RBFOX1: variants seen among roughly 807,000 people sequenced by gnomAD.
RBFOX1 encodes RNA binding fox-1 homolog 1.
Under a neutral mutation model 57.7 loss-of-function variants are expected in RBFOX1, and 8 were observed. The observed-to-expected ratio is 0.14, with a 90% CI of 0.08 to 0.25. The LOEUF (loss-of-function observed/expected upper bound fraction) is 0.25, where lower values mean the gene tolerates loss of function less well. Among genes scored for constraint, RBFOX1 ranks in the 10% least tolerant of loss-of-function variants. RBFOX1 has a pLI of 1.00. For synonymous variants in RBFOX1, 326 were observed against 222.4 expected (o/e 1.47, Z -4.15); for missense variants, 611 against 548.5 (o/e 1.11, Z -1.14).
chr16:7,685,355 C>T (rs905589357), intron 14 of RBFOX1, among the ~76,000 whole-genome samples: 5 of 152,128 alleles, frequency 3.3e-5, no homozygotes, highest in Non-Finnish European at 7.4e-5. Context: ...GACTTCTTCC[C>T]TCTCCTGGCC....
intron 1 of RBFOX1, among the ~76,000 whole-genome samples, chr16:5,277,059 A>G (rs186292442): frequency 7.4e-4 from 113 of 152,326 alleles, no homozygotes; most frequent in African/African-American, 2.5e-3. Context: ...CCATCAGTCA[A>G]TTAGTGGATA....
intron 4 of RBFOX1, among the ~76,000 whole-genome samples, chr16:7,165,963 C>CACACACACACAA (rs1251061172): frequency 1.3e-5 from 1 of 76,042 alleles, no homozygotes; most frequent in African/African-American, 3.5e-5. Context: ...CACACACACA[C>CACACACACACAA]ACATACATAC....
intron 3 of RBFOX1, among the ~76,000 whole-genome samples, chr16:5,703,833 G>T (rs2051140821): frequency 6.6e-6 from 1 of 152,100 alleles, no homozygotes; most frequent in African/African-American, 2.4e-5. Context: ...ATGATGTAGG[G>T]ATATTATTAT....
intron 14 of RBFOX1, among the ~76,000 whole-genome samples, chr16:7,702,643 C>T (rs1234851315): frequency 1.3e-5 from 2 of 152,182 alleles, no homozygotes; most frequent in Non-Finnish European, 2.9e-5. Context: ...TGGTCTTGTT[C>T]TTTCTTTTCC....
chr16:6,558,312 G>A (rs1180701226), intron 2 of RBFOX1, among the ~76,000 whole-genome samples: 1 of 152,172 alleles, frequency 6.6e-6, no homozygotes, highest in East Asian at 1.9e-4. Flanking sequence ...AGGCCTTACA[G>A]AGCATGTTGC....
intron 4 of RBFOX1, among the ~76,000 whole-genome samples, chr16:7,294,550 G>C (rs991068508): frequency 6.6e-6 from 1 of 151,482 alleles, no homozygotes; most frequent in East Asian, 1.9e-4. Context: ...GACTGAAGCA[G>C]AATATTTTCT....
chr16:6,755,191 A>C (rs9924871), intron 3 of RBFOX1, among the ~76,000 whole-genome samples: 3 of 152,330 alleles, frequency 2.0e-5, no homozygotes, highest in Admixed American at 6.5e-5. Flanking sequence ...TTATAGCAGC[A>C]TGATTTATAG....
chr16:6,442,810 C>T (rs2094412127), intron 2 of RBFOX1, among the ~76,000 whole-genome samples: 2 of 152,294 alleles, frequency 1.3e-5, no homozygotes, highest in East Asian at 1.9e-4. Flanking sequence ...TGGGGAATTG[C>T]AAGGGAGTAG....
At chr16:7,237,574 C>A (rs113426120) in intron 4 of RBFOX1, among the ~76,000 whole-genome samples, 122 of 152,322 alleles carry the variant, frequency 8.0e-4, no homozygotes, top group Non-Finnish European at 1.5e-3. Flanking sequence ...CAACTGGCTT[C>A]CTATGTCAAC....
chr16:5,830,812 C>G lies in RBFOX1; in HGVS notation c.319-36491C>G, dbSNP rs115375197. Among the ~76,000 whole-genome samples, 929 of 152,230 alleles carry G rather than the reference C, an allele frequency of 6.1e-3. 17 individuals carry two copies. Among genetic ancestry groups the G allele is most frequent in the African/African-American group, 0.021 (882 of 41,520 alleles). On this transcript the variant is annotated intron_variant, in intron 3 of 19. Transcript: ENST00000641259. Reference sequence around the variant, plus strand: ...TACTGACCGTCTTTTATAAATAGCTCAGGGTCTTCAGACTGTGTTCAGGCT... The same window carrying G: ...TACTGACCGTCTTTTATAAATAGCTGAGGGTCTTCAGACTGTGTTCAGGCT...
chr16:7,323,068 GTTGAGA>G (rs2096566446), intron 4 of RBFOX1, among the ~76,000 whole-genome samples: 2 of 152,134 alleles, frequency 1.3e-5, no homozygotes, highest in Admixed American at 1.3e-4. Flanking sequence ...TGTTGGGATG[GTTGAGA>G]TTGACTAAGG....
At chr16:7,216,665 T>C (rs1170164523) in intron 4 of RBFOX1, among the ~76,000 whole-genome samples, 1 of 74,918 alleles carries the variant, frequency 1.3e-5, no homozygotes, top group African/African-American at 3.5e-5. Context: ...CAAAATAAAA[T>C]AAAAATTAAA....
At chr16:6,398,975 C>T (rs564726907) in intron 2 of RBFOX1, among the ~76,000 whole-genome samples, 130 of 152,308 alleles carry the variant, frequency 8.5e-4, no homozygotes, top group African/African-American at 2.5e-3. Flanking sequence ...GACTTTTGCC[C>T]GGATATCTGG....
intron 4 of RBFOX1, among the ~76,000 whole-genome samples, chr16:7,351,547 A>T (rs1480601708): frequency 2.6e-5 from 4 of 152,236 alleles, no homozygotes; most frequent in African/African-American, 9.6e-5. Flanking sequence ...TGAAGAAAAT[A>T]ATGTAAGAGG....
At chr16:6,523,361 G>T (rs1323709634) in intron 2 of RBFOX1, among the ~76,000 whole-genome samples, 1 of 152,136 alleles carries the variant, frequency 6.6e-6, no homozygotes, top group African/African-American at 2.4e-5. Flanking sequence ...TTGGTGTGGG[G>T]CTGAGGGGCA....
At chr16:7,590,064 A>G (rs559939376) in intron 7 of RBFOX1, among the ~76,000 whole-genome samples, 2 of 152,026 alleles carry the variant, frequency 1.3e-5, no homozygotes, top group African/African-American at 4.8e-5. Flanking sequence ...CCAGGAGTTC[A>G]AGACCAGCCT....
At chr16:6,752,978 A>T (rs1462350967) in intron 3 of RBFOX1, among the ~76,000 whole-genome samples, 1 of 152,198 alleles carries the variant, frequency 6.6e-6, no homozygotes, top group African/African-American at 2.4e-5. Flanking sequence ...AGAAGGGAAA[A>T]ATACAAATGT....
At chr16:6,533,856 C>G (rs1400298062) in intron 2 of RBFOX1, among the ~76,000 whole-genome samples, 1 of 152,078 alleles carries the variant, frequency 6.6e-6, no homozygotes, top group Non-Finnish European at 1.5e-5. Context: ...ACGTACTAAA[C>G]ATAAAAGAGA....
intron 2 of RBFOX1, among the ~76,000 whole-genome samples, chr16:6,392,984 C>G (rs925900953): frequency 8.5e-5 from 13 of 152,192 alleles, no homozygotes; most frequent in Admixed American, 2.0e-4. Flanking sequence ...AAGATGCTCA[C>G]TAAATCAGAC....
Sources: allele counts gnomAD v4.1 joint callset (sites outside exome capture counted in the v4.1 genomes callset), GRCh38; gene constraint gnomAD v4.1.1; transcripts MANE v1.5; gene names NCBI Gene and HGNC (gene_info 2026-07-23, HGNC 2026-07-21).